Variants in PTPRT observed in about 807,000 individuals in gnomAD.
PTPRT encodes protein tyrosine phosphatase receptor type T, also known as receptor-type tyrosine-protein phosphatase T.
A neutral mutation model predicts 176.8 loss-of-function variants in PTPRT; 56 were observed. The ratio of observed to expected loss-of-function variants is 0.32; its 90% CI spans 0.26 to 0.40. The LOEUF (loss-of-function observed/expected upper bound fraction) is 0.40. PTPRT is among the 10% of genes least tolerant of loss of function. The probability of loss-of-function intolerance (pLI) is 1.00; values close to 1 mark genes in which losing one functional copy is unlikely to be tolerated. For missense variants in PTPRT, 1,540 were observed against 1,908.2 expected (o/e 0.81, Z 3.60); for synonymous variants, 783 against 739.0 (o/e 1.06, Z -0.96).
At chr20:42,751,391 C>G (rs554844280) in intron 6 of PTPRT, among the ~76,000 whole-genome samples, 2 of 152,224 alleles carry the variant, frequency 1.3e-5, no homozygotes, top group East Asian at 3.9e-4. Context: ...CTTTCCCGAT[C>G]CAGTAGGGGT....
Position 42,537,149 on chromosome 20 carries a change from G to A in PTPRT, c.1154-64587C>T, listed in dbSNP as rs941927813. Among the ~76,000 whole-genome samples the A allele has an allele frequency of 2.5e-4, 38 of 151,808 alleles. No individual in the cohort carries two copies. The East Asian group carries it at 2.5e-3, about 10-fold the overall frequency. On this transcript the variant is annotated intron_variant, in intron 7 of 30. Transcript: ENST00000373187. ...GTCACTTAGGTCAAAGAAAAAACTC[G>A]AAAATGACAATAGGTTTTACAGATA...
chr20:42,716,977 A>G (rs1327274608), intron 6 of PTPRT, among the ~76,000 whole-genome samples: 1 of 146,276 alleles, frequency 6.8e-6, no homozygotes, highest in African/African-American at 2.5e-5. Flanking sequence ...ATAGGTGGGA[A>G]TTGAACAATA....
intron 8 of PTPRT, among the ~76,000 whole-genome samples, chr20:42,459,813 C>G (rs2070987595): frequency 6.6e-6 from 1 of 152,162 alleles, no homozygotes; most frequent in South Asian, 2.1e-4. Context: ...ACTTCAGCCT[C>G]CTGAGTAGCT....
At chr20:42,144,469 T>A (rs1988773914) in intron 17 of PTPRT, among the ~76,000 whole-genome samples, 2 of 151,758 alleles carry the variant, frequency 1.3e-5, no homozygotes, top group Admixed American at 1.3e-4. Flanking sequence ...ATAGAAGTCA[T>A]CAATCAGTTT....
intron 15 of PTPRT, among the ~76,000 whole-genome samples, chr20:42,200,059 A>ATACACAC: frequency 1.1e-5 from 1 of 89,704 alleles, no homozygotes; most frequent in South Asian, 3.1e-4. Context: ...GTCACAAAAA[A>ATACACAC]ATACACACAC....
chr20:43,068,573 C>G (rs1237876552), intron 1 of PTPRT, among the ~76,000 whole-genome samples: 1 of 149,880 alleles, frequency 6.7e-6, no homozygotes, highest in Non-Finnish European at 1.5e-5. Context: ...AGTTTGTATA[C>G]CTGTGGGACA....
intron 1 of PTPRT, among the ~76,000 whole-genome samples, chr20:43,002,781 T>C (rs1984647246): frequency 6.6e-6 from 1 of 151,624 alleles, no homozygotes; most frequent in African/African-American, 2.4e-5. Context: ...AGAAATAAAA[T>C]GTTAATTATT....
At chr20:42,742,743 C>G (rs1041347158) in intron 6 of PTPRT, among the ~76,000 whole-genome samples, 3 of 152,136 alleles carry the variant, frequency 2.0e-5, no homozygotes, top group Admixed American at 2.0e-4. Context: ...GAAGCAGGTC[C>G]CACACTCTGC....
chr20:42,716,254 A>C (rs2076221229), intron 6 of PTPRT, among the ~76,000 whole-genome samples: 1 of 152,190 alleles, frequency 6.6e-6, no homozygotes, highest in Admixed American at 6.5e-5. Flanking sequence ...AAAATTGCAG[A>C]GGGTATATAC....
At chr20:42,333,464 TGGGA>T (rs1158281096) in intron 11 of PTPRT, among the ~76,000 whole-genome samples, 1 of 152,040 alleles carries the variant, frequency 6.6e-6, no homozygotes, top group Non-Finnish European at 1.5e-5. Context: ...CCCGAGTAGC[TGGGA>T]CTACAGGCAC....
chr20:43,019,431 C>T (rs369670664), intron 1 of PTPRT, among the ~76,000 whole-genome samples: 56 of 151,960 alleles, frequency 3.7e-4, no homozygotes, highest in Middle Eastern at 3.4e-3. Context: ...CCATCCTGGC[C>T]AACATGGTGA....
chr20:42,619,014 T>C (rs1246320579), intron 7 of PTPRT, among the ~76,000 whole-genome samples: 1 of 151,898 alleles, frequency 6.6e-6, no homozygotes, highest in Non-Finnish European at 1.5e-5. Context: ...GCTCGTAAGT[T>C]GATGCAGTTT....
chr20:42,646,882 C>CTTTTTTTTTTTTTTTTTTTTTTT (rs1161994908), intron 7 of PTPRT, among the ~76,000 whole-genome samples: 1 of 76,282 alleles, frequency 1.3e-5, no homozygotes, highest in African/African-American at 7.5e-5. Flanking sequence ...CTAAGACAGC[C>CTTTTTTTTTTTTTTTTTTTTTTT]TTTTTTTTTT....
chr20:42,191,861 C>A (rs1991015597), intron 16 of PTPRT, among the ~76,000 whole-genome samples: 1 of 152,114 alleles, frequency 6.6e-6, no homozygotes. Context: ...GGAACTAGAT[C>A]TGAGTGTGAA....
intron 9 of PTPRT, among the ~76,000 whole-genome samples, chr20:42,396,892 C>G (rs1254647161): frequency 6.6e-6 from 1 of 152,198 alleles, no homozygotes; most frequent in Non-Finnish European, 1.5e-5. Context: ...CCTGGAACAG[C>G]CTTCCTCCAG....
intron 18 of PTPRT, among the ~76,000 whole-genome samples, chr20:42,137,880 T>A (rs182959258): frequency 2.0e-5 from 3 of 152,184 alleles, no homozygotes; most frequent in Admixed American, 2.0e-4. Flanking sequence ...AAGACCCCAA[T>A]ACACCTGAGC....
intron 3 of PTPRT, among the ~76,000 whole-genome samples, chr20:42,789,621 C>A (rs1276818414): frequency 2.6e-5 from 4 of 152,158 alleles, no homozygotes; most frequent in Admixed American, 6.5e-5. Flanking sequence ...ATCACCATCA[C>A]CACCATTACC....
chr20:42,717,965 C>G lies in PTPRT; in HGVS notation c.859+38497G>C, dbSNP rs530848713. On this transcript the variant is annotated intron_variant, in intron 6 of 30. Coordinates refer to ENST00000373187, the MANE Select transcript of PTPRT (RefSeq NM_007050.6). ...AGAAAAATACCACAATGAGCTATCA[C>G]CACATACCTACCAGAATGGCTAATA... 4.6e-5 allele frequency among the ~76,000 whole-genome samples: 7 copies of G among 152,360 alleles called. 1 individual carries two copies. In the South Asian group the frequency reaches 1.2e-3, roughly 27 times the overall value.
chr20:42,135,592 G>A (rs1988336031), intron 18 of PTPRT, among the ~76,000 whole-genome samples: 1 of 152,148 alleles, frequency 6.6e-6, no homozygotes. Flanking sequence ...TCTGTCTTGG[G>A]AAAGACCAGA....
Sources: allele counts gnomAD v4.1 joint callset (sites outside exome capture counted in the v4.1 genomes callset), GRCh38; gene constraint gnomAD v4.1.1; transcripts MANE v1.5; gene names NCBI Gene and HGNC (gene_info 2026-07-23, HGNC 2026-07-21).